Variants in H2AZ2 observed in about 807,000 individuals in gnomAD.
The protein encoded by H2AZ2 is H2A.Z variant histone 2, also known as histone H2A.V.
Under a neutral mutation model 15.5 loss-of-function variants are expected in H2AZ2, and 5 were observed. The observed-to-expected ratio is 0.32, with a 90% CI of 0.17 to 0.68. The LOEUF (loss-of-function observed/expected upper bound fraction) is 0.68, where lower values mean the gene tolerates loss of function less well. H2AZ2 is among the 30% of genes least tolerant of loss of function. H2AZ2 has a pLI of 0.72. For synonymous variants in H2AZ2, 44 were observed against 57.4 expected, an observed-to-expected ratio of 0.77 and a Z score of 1.05; for missense variants, 42 against 162.5, an observed-to-expected ratio of 0.26 and a Z score of 4.03.
downstream of H2AZ2, among the ~76,000 whole-genome samples, chr7:44,831,720 A>C (rs1793003037): frequency 6.6e-6 from 1 of 152,216 alleles, no homozygotes. Context: ...ATGCAGAAGG[A>C]ATGACAAGAT....
downstream of H2AZ2, among the ~76,000 whole-genome samples, chr7:44,830,452 A>G (rs932937162): frequency 6.6e-6 from 1 of 152,186 alleles, no homozygotes; most frequent in Non-Finnish European, 1.5e-5. Flanking sequence ...CATTTGTTAC[A>G]ACTCCCTATA....
chr7:44,839,393 T>C (rs1168774081), intron 3 of H2AZ2, among the ~76,000 whole-genome samples: 1 of 151,758 alleles, frequency 6.6e-6, no homozygotes, highest in African/African-American at 2.4e-5. Context: ...AAATAAAAAA[T>C]AGGCTGGGCG....
chr7:44,831,012 C>A (rs1172334715), downstream of H2AZ2, among the ~76,000 whole-genome samples: 1 of 151,932 alleles, frequency 6.6e-6, no homozygotes, highest in Non-Finnish European at 1.5e-5. Context: ...AAAGAACAAA[C>A]AAACATTAGC....
downstream of H2AZ2, among the ~76,000 whole-genome samples, chr7:44,830,568 A>G (rs1277305967): frequency 6.6e-6 from 1 of 152,218 alleles, no homozygotes; most frequent in Non-Finnish European, 1.5e-5. Flanking sequence ...TTCTATTTAA[A>G]AAAAGAAAAA....
rs910744781 is a variant in H2AZ2 at position 44,833,070 on chromosome 7, C to G, written c.*1431G>C. ...AAAGTTGGGATTTTTTTTTTTGAGA[C>G]AGAGTCACACTCTGTCACCTAGGCT... On this transcript the variant is annotated 3_prime_UTR_variant, in exon 5 of 5. Coordinates refer to ENST00000308153, the MANE Select transcript of H2AZ2 (RefSeq NM_012412.5). 1.3e-5 allele frequency among the ~76,000 whole-genome samples: 2 copies of G among 151,258 alleles called. No homozygotes were observed. The highest frequency in any genetic ancestry group is 4.9e-5 in the African/African-American group (2 of 41,168).
At chr7:44,841,806 A>G (rs1194995156) in intron 2 of H2AZ2, among the ~76,000 whole-genome samples, 1 of 152,098 alleles carries the variant, frequency 6.6e-6, no homozygotes, top group Admixed American at 6.5e-5. Context: ...TCAACCCTTC[A>G]CTGCTCCATT....
downstream of H2AZ2, chr7:44,828,402 T>C (rs1473757968): frequency 1.3e-5 from 2 of 152,224 alleles, no homozygotes; most frequent in African/African-American, 4.8e-5. Context: ...AACAGGGCCA[T>C]GGTGCTTTCA....
rs1031282970 is a variant in H2AZ2 at position 44,835,387 on chromosome 7, A to G, written c.325+142T>C. The G allele has an allele frequency of 1.1e-5, 6 of 568,072 alleles. No individual in the cohort carries two copies. In the African/African-American group the frequency reaches 1.1e-4, roughly 11 times the overall value. 35.2% of individuals were successfully genotyped at this position (568,072 alleles called of 1,614,324 possible). A position where few individuals can be genotyped will look rare whatever the true frequency, so the allele number is the denominator to read the frequency against. ...TTATTCAGATCATTATGAAAAGCTT[A>G]GAATTGTTATAGATTTAGTATTTAT... On this transcript the variant is annotated intron_variant, in intron 4 of 4. Transcript: ENST00000308153.
rs1412579895 is a variant in H2AZ2, at chr7:44,832,830, G to T, written c.*1671C>A. Among the ~76,000 whole-genome samples the T allele has an allele frequency of 6.6e-6, 1 of 152,056 alleles. No homozygotes were observed. Among genetic ancestry groups the T allele is most frequent in the East Asian group, 1.9e-4 (1 of 5,186 alleles). ...CCAGGTATGGTGGCATGTGCCTGTG[G>T]TCCCAGCTATTTGCAGGGCTGAGGT... is the stretch of plus-strand genomic sequence containing the variant. On this transcript the variant is annotated 3_prime_UTR_variant, in exon 5 of 5. Transcript: ENST00000308153.
intron 2 of H2AZ2, among the ~76,000 whole-genome samples, 166 bp from the exon 3 acceptor site, chr7:44,841,178 C>T (rs1192792268): frequency 6.6e-6 from 1 of 152,194 alleles, no homozygotes; most frequent in Non-Finnish European, 1.5e-5. Context: ...TGTCTCTGTT[C>T]TGGTAATCTG....
Position 44,847,985 on chromosome 7 carries a change from A to T in H2AZ2, c.-14T>A. 7.0e-7 allele frequency: 1 copy of T among 1,427,774 alleles called. No individual in the cohort carries two copies. Among genetic ancestry groups the T allele is most frequent in the Non-Finnish European group, 9.2e-7 (1 of 1,092,544 alleles). The allele number at this position is 1,427,774 out of a possible 1,614,324, so 88.4% of individuals were successfully genotyped here. A position where few individuals can be genotyped will look rare whatever the true frequency, so the allele number is the denominator to read the frequency against. On this transcript the variant is annotated 5_prime_UTR_variant, in exon 1 of 5. Transcript: ENST00000308153. ...CGCCCTTACCATGTTCTCGGCGCCG[A>T]CTCCGCCTCCGCTCGGCCGCGCGCC...
At chr7:44,827,818 T>C (rs1334092863), downstream of H2AZ2, 4 of 152,304 alleles carry the variant, frequency 2.6e-5, no homozygotes, top group East Asian at 7.7e-4. Flanking sequence ...TGTACAGATG[T>C]GGCCATGGAG....
chr7:44,837,433 GAAAAAAAAA>G (rs71011996), intron 3 of H2AZ2, among the ~76,000 whole-genome samples: 1 of 87,270 alleles, frequency 1.1e-5, no homozygotes, highest in African/African-American at 4.3e-5. Flanking sequence ...AAAAAAAAAA[GAAAAAAAAA>G]AAAAAAAAAA....
intron 4 of H2AZ2, 101 bp downstream of exon 4, chr7:44,835,428 A>AGTATTTATGAAATTAAAG (rs1343797940): frequency 1.1e-5 from 10 of 885,098 alleles, no homozygotes; most frequent in Non-Finnish European, 1.5e-5. Context: ...TAAAGTTTAT[A>AGTATTTATGAAATTAAAG]TGCTTTCTAG....
At chr7:44,841,262 T>G (rs1342037077) in intron 2 of H2AZ2, among the ~76,000 whole-genome samples, 8 of 152,188 alleles carry the variant, frequency 5.3e-5, no homozygotes, top group Admixed American at 5.2e-4. Flanking sequence ...TGGGCTGTCA[T>G]CAACTGTACG....
In H2AZ2 at chr7:44,834,072, T is replaced by C. The variant is rs1003030351; in HGVS notation, c.*429A>G. ...AAAATGGTGCTACAGATCAATAGCA[T>C]CTAAGAGTCAATATACCATGGTATC... On this transcript the variant is annotated 3_prime_UTR_variant, in exon 5 of 5. Coordinates refer to ENST00000308153, the MANE Select transcript of H2AZ2 (RefSeq NM_012412.5). 29 of 770,778 alleles carry C rather than the reference T, an allele frequency of 3.8e-5. No homozygotes were observed. The highest frequency in any genetic ancestry group is 4.4e-5 in the Non-Finnish European group (28 of 634,560). The allele number at this position is 770,778 out of a possible 1,614,324, so 47.7% of individuals were successfully genotyped here.
chr7:44,838,040 G>A (rs994064498), intron 3 of H2AZ2, among the ~76,000 whole-genome samples: 1 of 151,628 alleles, frequency 6.6e-6, no homozygotes, highest in Non-Finnish European at 1.5e-5. Flanking sequence ...GCGCGATCTC[G>A]GCTCGCTGCA....
chr7:44,831,295 G>A (rs143172210), downstream of H2AZ2, among the ~76,000 whole-genome samples: 70 of 152,280 alleles, frequency 4.6e-4, 1 homozygote, highest in African/African-American at 1.5e-3. Flanking sequence ...CAAATGAAAC[G>A]AGACTGATCA....
intron 2 of H2AZ2, 111 bp from the exon 3 acceptor site, chr7:44,841,123 T>C: frequency 1.3e-6 from 1 of 743,872 alleles, no homozygotes; most frequent in Non-Finnish European, 2.3e-6. Context: ...TGATCACACA[T>C]ATCAGAAGCC....
Sources: gnomAD v4.1 joint callset for allele counts (sites outside exome capture counted in the v4.1 genomes callset) on GRCh38, gnomAD v4.1.1 for gene constraint, MANE v1.5 for transcripts, NCBI Gene and HGNC (gene_info 2026-07-23, HGNC 2026-07-21) for gene names.